KIF1B: variants seen among roughly 807,000 people sequenced by gnomAD.
KIF1B encodes the protein kinesin family member 1B.
In KIF1B, 76 loss-of-function variants were observed where a neutral mutation model predicts 241.9. The observed-to-expected ratio is 0.31, with a 90% CI of 0.26 to 0.38. The LOEUF (loss-of-function observed/expected upper bound fraction) is 0.38. KIF1B is among the 10% of genes least tolerant of loss of function. KIF1B has a pLI of 1.00. For synonymous variants in KIF1B, 750 were observed against 796.7 expected, an observed-to-expected ratio of 0.94 and a Z score of 0.99; for missense variants, 1,622 against 2,271.4, an observed-to-expected ratio of 0.71 and a Z score of 5.81.
intron 2 of KIF1B, among the ~76,000 whole-genome samples, chr1:10,238,611 G>A (rs1479186143): frequency 6.6e-6 from 1 of 151,656 alleles, no homozygotes; most frequent in Non-Finnish European, 1.5e-5. Context: ...AGCTTGAGGT[G>A]GGAAGATTTC....
chr1:10,345,810 A>C, intron 34 of KIF1B, 35 bp from the exon 35 acceptor site: 1 of 1,516,818 alleles, frequency 6.6e-7, no homozygotes, highest in Middle Eastern at 1.7e-4. Flanking sequence ...GTAGTCTTGG[A>C]CCAGATTTTG....
chr1:10,251,130 C>T (rs1186824434), intron 2 of KIF1B, among the ~76,000 whole-genome samples: 1 of 151,536 alleles, frequency 6.6e-6, no homozygotes, highest in African/African-American at 2.4e-5. Flanking sequence ...CGTGCCACTG[C>T]ACTCCAGCCT....
rs1444250610 is a variant in KIF1B, at chr1:10,210,584, G to T, written c.-374G>T. Among the ~76,000 whole-genome samples the T allele has an allele frequency of 6.6e-6, 1 of 152,000 alleles. No homozygotes were observed. The highest frequency in any genetic ancestry group is 2.4e-5 in the African/African-American group (1 of 41,424). On this transcript the variant is annotated 5_prime_UTR_variant, in exon 1 of 49. Coordinates refer to ENST00000676179, the MANE Select transcript of KIF1B (RefSeq NM_001365951.3). The surrounding 1 kb of genome is among the most constrained non-coding windows in gnomAD (Gnocchi z 4.1). ...CGAAGCGGGGCAGTGTGACGGCAGC[G>T]GTCCTGGGAGGCGCCCGCGCGCGTC... is the stretch of plus-strand genomic sequence containing the variant.
Position 10,326,405 on chromosome 1 carries a change from C to A in KIF1B, c.2924+46C>A. On this transcript the variant is annotated intron_variant, in intron 27 of 48. Coordinates refer to ENST00000676179, the MANE Select transcript of KIF1B (RefSeq NM_001365951.3). This position sits in a 1 kb window ranked among gnomAD's most constrained non-coding sequence, Gnocchi z 5.2. The stretch of plus-strand genomic sequence containing the variant: ...AAAGGCGAAAAGGGACCAGCTCTTG[C>A]TCTGAAGGCCTCCCTGCTTGCACAA... The A allele has an allele frequency of 6.2e-7, 1 of 1,612,370 alleles. No individual in the cohort carries two copies. Among genetic ancestry groups the A allele is most frequent in the Non-Finnish European group, 8.5e-7 (1 of 1,179,588 alleles).
chr1:10,317,414 T>C (rs538912357), intron 22 of KIF1B, among the ~76,000 whole-genome samples: 11 of 151,502 alleles, frequency 7.3e-5, no homozygotes, highest in Non-Finnish European at 1.0e-4. Context: ...CCTTGTACTT[T>C]CCTTGCTTCA....
At position 10,255,327 on chromosome 1, in the gene KIF1B, C is replaced by T. The variant is rs543718585; in HGVS notation, c.107-920C>T. ...AATGTGGGCCAGGTGCAGTGGCTCACGCCTGTAATCCCAGCAGTTAGGGAG... is the reference window on the plus strand; with the variant it reads ...AATGTGGGCCAGGTGCAGTGGCTCATGCCTGTAATCCCAGCAGTTAGGGAG... On this transcript the variant is annotated intron_variant, in intron 2 of 48. Coordinates refer to ENST00000676179, the MANE Select transcript of KIF1B (RefSeq NM_001365951.3). Among the ~76,000 whole-genome samples the T allele has an allele frequency of 2.6e-5, 4 of 152,102 alleles. No homozygotes were observed. The East Asian group carries it at 7.8e-4, about 30-fold the overall frequency.
At chr1:10,244,945 T>C (rs1157008964) in intron 2 of KIF1B, among the ~76,000 whole-genome samples, 1 of 152,194 alleles carries the variant, frequency 6.6e-6, no homozygotes, top group African/African-American at 2.4e-5. Flanking sequence ...TAGGAGGCTT[T>C]TAGAGCGGAA....
intron 2 of KIF1B, among the ~76,000 whole-genome samples, chr1:10,252,899 A>G (rs558427913): frequency 1.3e-5 from 2 of 151,914 alleles, no homozygotes; most frequent in East Asian, 3.9e-4. Context: ...GATTTTTTAT[A>G]TTTTTAACAG....
intron 1 of KIF1B, among the ~76,000 whole-genome samples, chr1:10,215,607 G>A (rs1190160119): frequency 2.6e-5 from 4 of 151,924 alleles, no homozygotes; most frequent in South Asian, 2.1e-4. Context: ...GTGCAGTGGC[G>A]CAGTCATGGC....
intron 7 of KIF1B, among the ~76,000 whole-genome samples, chr1:10,269,117 T>A (rs1166672017): frequency 6.6e-6 from 1 of 152,204 alleles, no homozygotes; most frequent in Non-Finnish European, 1.5e-5. Context: ...TTATAAAAGA[T>A]CCTTTGCCTT....
At chr1:10,299,788 T>G (rs541745065) in intron 22 of KIF1B, among the ~76,000 whole-genome samples, 1 of 152,292 alleles carries the variant, frequency 6.6e-6, no homozygotes, top group Non-Finnish European at 1.5e-5. Context: ...TTTTGGGATC[T>G]TCTCTCTTCT....
At chr1:10,328,862 A>C (rs1423525032) in intron 27 of KIF1B, among the ~76,000 whole-genome samples, 1 of 152,220 alleles carries the variant, frequency 6.6e-6, no homozygotes, top group African/African-American at 2.4e-5. Flanking sequence ...TAACAGGTAG[A>C]AATAAAGAGC....
In KIF1B at chr1:10,378,593, C is replaced by G. The variant is rs1638947265; in HGVS notation, c.*2006C>G. On this transcript the variant is annotated 3_prime_UTR_variant, in exon 49 of 49. Coordinates refer to ENST00000676179, the MANE Select transcript of KIF1B (RefSeq NM_001365951.3). ...GTCCTCGGCCTTGAGGTTGCTGACT[C>G]TCAGGCGTTAGGCAGCTGGATGACT... 5 of 602,920 alleles carry G rather than the reference C, an allele frequency of 8.3e-6. No individual in the cohort carries two copies. The highest frequency in any genetic ancestry group is 2.8e-5 in the East Asian group (1 of 35,912). The allele number at this position is 602,920 out of a possible 1,614,324, so 37.3% of individuals were successfully genotyped here. A position where few individuals can be genotyped will look rare whatever the true frequency, so the allele number is the denominator to read the frequency against.
intron 1 of KIF1B, among the ~76,000 whole-genome samples, chr1:10,220,670 T>C (rs894595759): frequency 6.6e-6 from 1 of 152,032 alleles, no homozygotes; most frequent in African/African-American, 2.4e-5. Context: ...CTTTGTTTCT[T>C]TTCTTTTTTG....
intron 35 of KIF1B, among the ~76,000 whole-genome samples, chr1:10,347,173 A>G (rs1287915115): frequency 6.6e-6 from 1 of 152,256 alleles, no homozygotes; most frequent in East Asian, 1.9e-4. Flanking sequence ...ATCAGTTAAT[A>G]TAAAGGGTAG....
At position 10,282,308 on chromosome 1, in the gene KIF1B, T is replaced by A; in HGVS notation, c.1223-14T>A. 6.2e-7 allele frequency: 1 copy of A among 1,608,416 alleles called. No homozygotes were observed. On this transcript the variant is annotated splice_polypyrimidine_tract_variant and intron_variant, in intron 14 of 48. Coordinates refer to ENST00000676179, the MANE Select transcript of KIF1B (RefSeq NM_001365951.3). ...TCCCTACTTTTCCTGCCTTCTCTTC[T>A]TTCTATCTCCCAGATCTGAAAGATT...
At chr1:10,238,580 C>G (rs747869514) in intron 2 of KIF1B, among the ~76,000 whole-genome samples, 6 of 151,654 alleles carry the variant, frequency 4.0e-5, no homozygotes, top group Non-Finnish European at 7.4e-5. Context: ...TGGTGCGCGC[C>G]TGTGGTTGCA....
intron 2 of KIF1B, among the ~76,000 whole-genome samples, chr1:10,247,806 C>T (rs1306862634): frequency 5.9e-5 from 9 of 152,108 alleles, no homozygotes; most frequent in Admixed American, 1.3e-4. Context: ...CACCAGGGAC[C>T]GGTTTTGTGG....
chr1:10,351,264 G>A (rs1652784241), intron 37 of KIF1B, among the ~76,000 whole-genome samples: 3 of 151,512 alleles, frequency 2.0e-5, no homozygotes, highest in South Asian at 2.1e-4. Context: ...CCCTAATACC[G>A]AAACAGAAGA....
Sources: allele counts gnomAD v4.1 joint callset (sites outside exome capture counted in the v4.1 genomes callset), GRCh38; gene constraint gnomAD v4.1.1; non-coding constraint Gnocchi (gnomAD v3.1); transcripts MANE v1.5; gene names NCBI Gene and HGNC (gene_info 2026-07-23, HGNC 2026-07-21).